The following SLC35D4 variants were observed in gnomAD, a reference collection of about 807,000 sequenced individuals.
SLC35D4 encodes the protein solute carrier family 35 member D4.
the SLC35D4 span, among the ~76,000 whole-genome samples, chr18:23,299,662 C>A: frequency 6.6e-6 from 1 of 152,218 alleles, no homozygotes; most frequent in East Asian, 1.9e-4. Context: ...AAATGTACTC[C>A]TTCCTCAGCT....
At chr18:23,339,641 T>C in the SLC35D4 span, among the ~76,000 whole-genome samples, 1 of 152,186 alleles carries the variant, frequency 6.6e-6, no homozygotes. Flanking sequence ...CAAAATTCTA[T>C]AGGCTGGGTA....
chr18:23,353,107 G>GTGTGTGTGTA, the SLC35D4 span, among the ~76,000 whole-genome samples: 1 of 151,300 alleles, frequency 6.6e-6, no homozygotes, highest in Non-Finnish European at 1.5e-5. Flanking sequence ...GTGTGTGTGT[G>GTGTGTGTGTA]TGTGTGTGTG....
the SLC35D4 span, among the ~76,000 whole-genome samples, chr18:23,384,012 G>GGT: frequency 4.5e-5 from 6 of 133,696 alleles, no homozygotes; most frequent in Admixed American, 3.7e-4. Context: ...GGGGGGGGGG[G>GGT]GTGTGATGTT....
the SLC35D4 span, among the ~76,000 whole-genome samples, chr18:23,381,902 T>C: frequency 6.6e-6 from 1 of 152,206 alleles, no homozygotes; most frequent in African/African-American, 2.4e-5. Flanking sequence ...TAAATCTTCA[T>C]TTCTAAATTC....
the SLC35D4 span, among the ~76,000 whole-genome samples, chr18:23,327,265 GT>G: frequency 6.6e-6 from 1 of 152,080 alleles, no homozygotes; most frequent in African/African-American, 2.4e-5. Context: ...CCAGGAGCTG[GT>G]TTTTTGAAAA....
At chr18:23,401,729 G>A in the SLC35D4 span, among the ~76,000 whole-genome samples, 3 of 152,164 alleles carry the variant, frequency 2.0e-5, no homozygotes, top group Non-Finnish European at 2.9e-5. Context: ...TAAGGTCAGC[G>A]AGGCCCCAGA....
At chr18:23,306,798 G>A in the SLC35D4 span, among the ~76,000 whole-genome samples, 1 of 152,280 alleles carries the variant, frequency 6.6e-6, no homozygotes, top group East Asian at 1.9e-4. Flanking sequence ...ATAGAAATAA[G>A]CATGATCTTA....
At chr18:23,276,193 T>TGA in the SLC35D4 span, among the ~76,000 whole-genome samples, 1 of 151,962 alleles carries the variant, frequency 6.6e-6, no homozygotes. Context: ...GTTCACGCCA[T>TGA]TCTCCTGCCT....
At chr18:23,256,152 T>C in the SLC35D4 span, among the ~76,000 whole-genome samples, 1 of 152,216 alleles carries the variant, frequency 6.6e-6, no homozygotes, top group Non-Finnish European at 1.5e-5. Flanking sequence ...ACATCTGCTC[T>C]GTGGGTAGGA....
the SLC35D4 span, among the ~76,000 whole-genome samples, chr18:23,343,267 A>T: frequency 6.7e-6 from 1 of 150,126 alleles, no homozygotes; most frequent in South Asian, 2.1e-4. Flanking sequence ...TTTTATTTTT[A>T]TTTTTTTTGA....
the SLC35D4 span, among the ~76,000 whole-genome samples, chr18:23,423,132 C>T: frequency 4.6e-5 from 7 of 152,242 alleles, no homozygotes; most frequent in East Asian, 1.3e-3. Flanking sequence ...ATTCCAGCCA[C>T]AGCAGATGGC....
chr18:23,239,337 C>A, the SLC35D4 span, among the ~76,000 whole-genome samples: 1 of 152,236 alleles, frequency 6.6e-6, no homozygotes, highest in Non-Finnish European at 1.5e-5. Flanking sequence ...TGCGCATGGA[C>A]TGCATTTTCC....
chr18:23,352,112 A>T, the SLC35D4 span: 1 of 1,280,692 alleles, frequency 7.8e-7, no homozygotes, highest in East Asian at 2.4e-5. Context: ...CATGAAGCTC[A>T]AACAACTTCA....
chr18:23,350,343 T>C, the SLC35D4 span, among the ~76,000 whole-genome samples: 2 of 152,190 alleles, frequency 1.3e-5, no homozygotes, highest in Non-Finnish European at 2.9e-5. Context: ...GAAATTTTGC[T>C]CCAACACCTT....
chr18:23,411,594 G>T, the SLC35D4 span, among the ~76,000 whole-genome samples: 4 of 152,054 alleles, frequency 2.6e-5, no homozygotes, highest in African/African-American at 4.8e-5. Context: ...TAGCCACAAA[G>T]ACTGCAGACC....
At chr18:23,419,893 C>T in the SLC35D4 span, among the ~76,000 whole-genome samples, 5 of 152,250 alleles carry the variant, frequency 3.3e-5, no homozygotes, top group African/African-American at 7.2e-5. Flanking sequence ...CTACAACTTA[C>T]TTTCAAAAAG....
the SLC35D4 span, among the ~76,000 whole-genome samples, chr18:23,399,807 G>A: frequency 6.6e-6 from 1 of 152,214 alleles, no homozygotes. Flanking sequence ...TATCGATTGA[G>A]TAGTGGAGGC....
At chr18:23,369,530 G>T in the SLC35D4 span, among the ~76,000 whole-genome samples, 1 of 152,166 alleles carries the variant, frequency 6.6e-6, no homozygotes, top group African/African-American at 2.4e-5. Flanking sequence ...GACGGGGCTG[G>T]GGAAACAAGA....
chr18:23,298,775 G>C, the SLC35D4 span, among the ~76,000 whole-genome samples: 2 of 152,286 alleles, frequency 1.3e-5, no homozygotes, highest in Admixed American at 1.3e-4. Context: ...CCATCACCAA[G>C]GGACTATGGT....
Sources: gnomAD v4.1 joint callset for allele counts (sites outside exome capture counted in the v4.1 genomes callset) on GRCh38, gnomAD v4.1.1 for gene constraint, MANE v1.5 for transcripts, NCBI Gene and HGNC (gene_info 2026-07-23, HGNC 2026-07-21) for gene names.